Variants in BRD9 observed in about 807,000 individuals in gnomAD.
The protein encoded by BRD9 is bromodomain containing 9, also known as bromodomain-containing protein 9.
A neutral mutation model predicts 68.7 loss-of-function variants in BRD9; 47 were observed. That is an observed-to-expected ratio of 0.68 (90% confidence interval 0.54 to 0.87). The LOEUF (loss-of-function observed/expected upper bound fraction) is 0.87, where lower values mean the gene tolerates loss of function less well. Among genes scored for constraint, BRD9 ranks in the 40% least tolerant of loss-of-function variants. The pLI is 0.00. For synonymous variants in BRD9, 313 were observed against 293.9 expected (o/e 1.06, Z -0.67); for missense variants, 670 against 748.4 (o/e 0.90, Z 1.22).
chr5:891,404 G>A (rs1753376756), intron 2 of BRD9, 117 bp from the exon 3 acceptor site: 2 of 1,420,446 alleles, frequency 1.4e-6, no homozygotes, highest in South Asian at 1.5e-5. Flanking sequence ...CCCCCTCCGA[G>A]ATCCTCCTCA....
chr5:875,754 G>A (rs1750811737), intron 12 of BRD9, among the ~76,000 whole-genome samples: 1 of 152,176 alleles, frequency 6.6e-6, no homozygotes, highest in Non-Finnish European at 1.5e-5. Context: ...CAAAAATGAA[G>A]ATGAAATAAA....
chr5:865,839 G>A (rs1267303650), intron 14 of BRD9: 1 of 406,766 alleles, frequency 2.5e-6, no homozygotes, highest in African/African-American at 2.0e-5. Flanking sequence ...GCACCGCACA[G>A]ACCACGTCAT....
chr5:867,448 G>T (rs1407269753), intron 14 of BRD9, among the ~76,000 whole-genome samples: 2 of 152,240 alleles, frequency 1.3e-5, no homozygotes, highest in Non-Finnish European at 2.9e-5. Flanking sequence ...CAGAATGGTA[G>T]ATCCGACAGC....
chr5:888,463 G>A (rs577889064), intron 5 of BRD9: 1 of 152,312 alleles, frequency 6.6e-6, no homozygotes, highest in Non-Finnish European at 1.5e-5. Context: ...TGGAACCTAA[G>A]AGAGAAATCT....
In BRD9 at chr5:892,660, C is replaced by G; in HGVS notation, c.-3G>C. 1 of 1,415,796 alleles carries G rather than the reference C, an allele frequency of 7.1e-7. No homozygotes were observed. The highest frequency in any genetic ancestry group is 9.2e-7 in the Non-Finnish European group (1 of 1,082,914). 87.7% of individuals were successfully genotyped at this position (1,415,796 alleles called of 1,614,324 possible). ...TGCTTCTTGTGCTTCTTGCCCATGG[C>G]GGCGCCGGCGGCGGGCCCGAGGCGG... On this transcript the variant is annotated 5_prime_UTR_variant, in exon 1 of 16. Transcript: ENST00000467963.
At position 883,950 on chromosome 5, in the gene BRD9, G is replaced by A; in HGVS notation, c.954C>T (p.Leu318=). 3.1e-6 allele frequency: 5 copies of A among 1,612,406 alleles called. No individual in the cohort carries two copies. In the South Asian group the frequency reaches 3.3e-5, roughly 11 times the overall value. Residue 318 remains leucine (L), a synonymous_variant, in exon 8 of 16, where the codon CTC becomes CTT. Transcript: ENST00000467963. The part of the protein sequence containing the change: ...DEARDRINRF[L]PGGKMGYLKR... The stretch of plus-strand genomic sequence containing the variant: ...CACAGAGCACTACCTTGCCGCCTGG[G>A]AGGAACCGGTTGATCCTGTCCCGAG...
Position 864,380 on chromosome 5 carries a change from G to T in BRD9, c.*88C>A. Reference sequence around the variant, plus strand: ...GCTTCCCGCATGCCAAAGGGGACAGGATCAAAGTCCTTGTCTGATGACAAA... The same window carrying T: ...GCTTCCCGCATGCCAAAGGGGACAGTATCAAAGTCCTTGTCTGATGACAAA... On this transcript the variant is annotated 3_prime_UTR_variant, in exon 16 of 16. Transcript: ENST00000467963. 1 of 1,152,014 alleles carries T rather than the reference G, an allele frequency of 8.7e-7. No individual in the cohort carries two copies. The highest frequency in any genetic ancestry group is 1.2e-6 in the Non-Finnish European group (1 of 816,972). The allele number at this position is 1,152,014 out of a possible 1,614,324, so 71.4% of individuals were successfully genotyped here.
intron 14 of BRD9, among the ~76,000 whole-genome samples, chr5:867,747 G>C (rs936940381): frequency 4.6e-5 from 7 of 152,224 alleles, no homozygotes; most frequent in Non-Finnish European, 8.8e-5. Context: ...GTCTGTACCC[G>C]ATTTGTATCT....
intron 3 of BRD9, 191 bp from the exon 4 acceptor site, chr5:889,838 C>A: frequency 8.1e-7 from 1 of 1,239,962 alleles, no homozygotes. Flanking sequence ...AGGGCACCCC[C>A]ACAGCAGGAG....
chr5:885,256 G>T (rs999061583), intron 7 of BRD9, among the ~76,000 whole-genome samples: 1 of 152,226 alleles, frequency 6.6e-6, no homozygotes, highest in Non-Finnish European at 1.5e-5. Context: ...TGGGGAGACC[G>T]CCTTAGGGGA....
intron 1 of BRD9, 52 bp from the exon 2 acceptor site, chr5:891,906 G>A: frequency 6.5e-7 from 1 of 1,544,494 alleles, no homozygotes; most frequent in African/African-American, 1.4e-5. Flanking sequence ...CAAACGCCAC[G>A]CAGCCAGGTG....
intron 1 of BRD9, chr5:892,363 G>T: frequency 1.1e-6 from 1 of 874,580 alleles, no homozygotes; most frequent in Non-Finnish European, 1.6e-6. Flanking sequence ...CCAGGACCGG[G>T]GTGAGTGGGC....
chr5:892,019 C>T (rs1753500332), intron 1 of BRD9, 165 bp from the exon 2 acceptor site: 3 of 1,163,980 alleles, frequency 2.6e-6, no homozygotes, highest in Non-Finnish European at 3.5e-6. Context: ...CGGCATGTCA[C>T]TGCCTCCTTG....
In BRD9 at chr5:864,209, A is replaced by G; in HGVS notation, c.*259T>C. On this transcript the variant is annotated 3_prime_UTR_variant, in exon 16 of 16. Coordinates refer to ENST00000467963, the MANE Select transcript of BRD9 (RefSeq NM_023924.5). ...CCCTTCGTGTATGACTCCACTCCTCAGGGTTCACGGGGCTGTGTACAGAGA... is the reference window on the plus strand; with the variant it reads ...CCCTTCGTGTATGACTCCACTCCTCGGGGTTCACGGGGCTGTGTACAGAGA... 3.2e-6 allele frequency: 1 copy of G among 311,890 alleles called. No individual in the cohort carries two copies. Among genetic ancestry groups the G allele is most frequent in the Non-Finnish European group, 6.1e-6 (1 of 163,634 alleles). 19.3% of individuals were successfully genotyped at this position (311,890 alleles called of 1,614,324 possible). A position where few individuals can be genotyped will look rare whatever the true frequency, so the allele number is the denominator to read the frequency against.
chr5:878,780 G>A (rs1242735825), intron 10 of BRD9: 43 of 420,708 alleles, frequency 1.0e-4, no homozygotes, highest in Non-Finnish European at 1.3e-4. Flanking sequence ...TGGGCAGAGC[G>A]CACCGTCTGT....
In BRD9 at chr5:884,326, C is replaced by G. The variant is rs182091246; in HGVS notation, c.834-256G>C. On this transcript the variant is annotated intron_variant, in intron 7 of 15. Transcript: ENST00000467963. Reference sequence around the variant, plus strand: ...TTCCTATTTTTCAACGCAGTGCAAACTCAGTTAAAGTGCTTTAGCAACAAA... The same window carrying G: ...TTCCTATTTTTCAACGCAGTGCAAAGTCAGTTAAAGTGCTTTAGCAACAAA... 3.3e-5 allele frequency among the ~76,000 whole-genome samples: 5 copies of G among 152,200 alleles called. No homozygotes were observed. In the East Asian group the frequency reaches 7.7e-4, roughly 23 times the overall value.
chr5:871,466 G>A (rs1750117640), intron 13 of BRD9, 60 bp downstream of exon 13: 42 of 1,517,510 alleles, frequency 2.8e-5, no homozygotes, highest in Non-Finnish European at 3.6e-5. Context: ...CTCAAAGGCT[G>A]GATACAACTT....
Position 886,495 on chromosome 5 carries a change from C to T in BRD9, c.833+97G>A, listed in dbSNP as rs576357129. 3.9e-4 allele frequency: 450 copies of T among 1,165,232 alleles called. 4 individuals are homozygous for T. The highest frequency in any genetic ancestry group is 8.1e-4 in the Middle Eastern group (4 of 4,944). The allele number at this position is 1,165,232 out of a possible 1,614,324, so 72.2% of individuals were successfully genotyped here. A position where few individuals can be genotyped will look rare whatever the true frequency, so the allele number is the denominator to read the frequency against. On this transcript the variant is annotated intron_variant, in intron 7 of 15. Coordinates refer to ENST00000467963, the MANE Select transcript of BRD9 (RefSeq NM_023924.5). The stretch of plus-strand genomic sequence containing the variant: ...AAGAATGTCTATGTGACATGACATC[C>T]GTTCTCTCACTCACTCACTCTCCCC...
intron 15 of BRD9, among the ~76,000 whole-genome samples, chr5:864,791 G>A (rs1749098812): frequency 6.6e-6 from 1 of 152,194 alleles, no homozygotes; most frequent in South Asian, 2.1e-4. Flanking sequence ...TTCTGAAGGA[G>A]AGAACGCTCC....
Sources: gnomAD v4.1 joint callset for allele counts (sites outside exome capture counted in the v4.1 genomes callset) on GRCh38, gnomAD v4.1.1 for gene constraint, MANE v1.5 for transcripts, NCBI Gene and HGNC (gene_info 2026-07-23, HGNC 2026-07-21) for gene names.